Variants in FHDC1 observed in about 807,000 individuals in gnomAD.
The protein encoded by FHDC1 is FH2 domain-containing protein 1.
A neutral mutation model predicts 52.6 loss-of-function variants in FHDC1; 25 were observed. The ratio of observed to expected loss-of-function variants is 0.48; its 90% CI spans 0.35 to 0.66. The LOEUF is 0.66. Ranked by LOEUF, FHDC1 falls within the 30% of genes least tolerant of loss-of-function variation. The pLI is 0.01. For missense variants in FHDC1, 1,459 were observed against 1,452.8 expected, an observed-to-expected ratio of 1.00 and a Z score of -0.07; for synonymous variants, 616 against 581.5, an observed-to-expected ratio of 1.06 and a Z score of -0.85.
In FHDC1 at chr4:152,943,477, G is replaced by A. The variant is rs1382246610; in HGVS notation, c.420G>A (p.Gln140=). The A allele has an allele frequency of 6.2e-7, 1 of 1,614,122 alleles. No individual in the cohort carries two copies. Among genetic ancestry groups the A allele is most frequent in the South Asian group, 1.1e-5 (1 of 91,072 alleles). The change falls in exon 2 of 12, where the codon CAG becomes CAA. Residue 140 remains glutamine, a synonymous_variant. Transcript: ENST00000511601. ...DTKTIEELFG[Q]QEDTTKSSLP... is the part of the protein sequence containing the mutation. ...AGACCATTGAGGAGCTCTTTGGGCA[G>A]CAGGAAGACACCACCAAGTCTTCCC... is the stretch of plus-strand genomic sequence containing the variant.
chr4:152,948,852 A>G (rs1372194367), intron 2 of FHDC1, among the ~76,000 whole-genome samples: 1 of 152,126 alleles, frequency 6.6e-6, no homozygotes, highest in Non-Finnish European at 1.5e-5. Flanking sequence ...ATGTGGATGT[A>G]CTTAATGCCA....
At chr4:152,967,373 G>A (rs1740496336) in intron 9 of FHDC1, among the ~76,000 whole-genome samples, 1 of 152,120 alleles carries the variant, frequency 6.6e-6, no homozygotes, top group South Asian at 2.1e-4. Context: ...GTTGCAGTGA[G>A]CCAAGATCAG....
At chr4:152,943,864 C>G (rs2149937890) in intron 2 of FHDC1, among the ~76,000 whole-genome samples, 1 of 145,160 alleles carries the variant, frequency 6.9e-6, no homozygotes, top group Middle Eastern at 3.6e-3. Context: ...TTGGAGAATT[C>G]TGCTCAAGTC....
chr4:152,935,966 C>T (rs537787654), upstream of FHDC1, among the ~76,000 whole-genome samples: 291 of 152,242 alleles, frequency 1.9e-3, no homozygotes, highest in Non-Finnish European at 3.6e-3. Context: ...CTTGGCGCCT[C>T]CTCTCGCCCG....
chr4:152,960,958 T>A, intron 6 of FHDC1, 114 bp downstream of exon 6: 1 of 670,886 alleles, frequency 1.5e-6, no homozygotes, highest in Non-Finnish European at 2.4e-6. Context: ...GATATACCCT[T>A]AAAAGGGAAA....
chr4:152,922,655 C>T, the FHDC1 span, among the ~76,000 whole-genome samples: 1 of 152,098 alleles, frequency 6.6e-6, no homozygotes, highest in Non-Finnish European at 1.5e-5. Flanking sequence ...AAAGCTTATC[C>T]ACCATGATCA....
intron 2 of FHDC1, 138 bp from the exon 3 acceptor site, chr4:152,953,360 TG>T: frequency 1.5e-6 from 1 of 648,860 alleles, no homozygotes; most frequent in Non-Finnish European, 2.6e-6. Flanking sequence ...TAGGAATATC[TG>T]TTAATCACCA....
intron 4 of FHDC1, among the ~76,000 whole-genome samples, chr4:152,954,649 T>A (rs1280123114): frequency 2.0e-5 from 3 of 151,846 alleles, no homozygotes; most frequent in Non-Finnish European, 4.4e-5. Flanking sequence ...ATCATGTCAC[T>A]GCACTTCAGC....
intron 10 of FHDC1, among the ~76,000 whole-genome samples, chr4:152,970,059 C>T (rs1466881277): frequency 2.0e-5 from 3 of 152,126 alleles, no homozygotes; most frequent in African/African-American, 4.8e-5. Flanking sequence ...TAAAATTTTT[C>T]GAGGTAGGTC....
At chr4:152,961,568 T>C (rs1314037645) in intron 6 of FHDC1, among the ~76,000 whole-genome samples, 1 of 152,250 alleles carries the variant, frequency 6.6e-6, no homozygotes, top group African/African-American at 2.4e-5. Flanking sequence ...AGCTGGCTTC[T>C]TTTCAGCTCG....
chr4:152,952,673 C>T (rs956295684), intron 2 of FHDC1, among the ~76,000 whole-genome samples: 4 of 152,126 alleles, frequency 2.6e-5, no homozygotes, highest in Non-Finnish European at 2.9e-5. Flanking sequence ...ATGCAAAATA[C>T]TATGCAATTT....
At chr4:152,958,726 C>T (rs11737767) in intron 4 of FHDC1, among the ~76,000 whole-genome samples, 68,040 of 151,678 alleles carry the variant, frequency 0.45, 15,559 homozygotes, top group South Asian at 0.64. Context: ...TCAACTCTAG[C>T]TCAGAAGGGA....
At chr4:152,950,874 C>G (rs1443521315) in intron 2 of FHDC1, among the ~76,000 whole-genome samples, 1 of 152,068 alleles carries the variant, frequency 6.6e-6, no homozygotes, top group East Asian at 1.9e-4. Context: ...TCAGAGAGAA[C>G]CAGGCTAACC....
intron 3 of FHDC1, 96 bp from the exon 4 acceptor site, chr4:152,954,121 G>A: frequency 5.0e-6 from 5 of 1,009,960 alleles, no homozygotes; most frequent in Non-Finnish European, 7.5e-6. Flanking sequence ...GAGGTGGGTG[G>A]GAAGGAGGGT....
chr4:152,927,892 G>A, the FHDC1 span: 14 of 1,379,908 alleles, frequency 1.0e-5, no homozygotes, highest in Non-Finnish European at 1.4e-5. Context: ...AGTTCTCCCA[G>A]GTGAAGCTGT....
At position 152,975,132 on chromosome 4, in the gene FHDC1, C is replaced by T. The variant is rs1420829398; in HGVS notation, c.1841C>T (p.Pro614Leu). 2 of 1,612,890 alleles carry T rather than the reference C, an allele frequency of 1.2e-6. No individual in the cohort carries two copies. Among genetic ancestry groups the T allele is most frequent in the Non-Finnish European group, 8.5e-7 (1 of 1,180,012 alleles). Residue 614 changes from proline (P) to leucine (L), a missense_variant, in exon 12 of 12, where the codon CCA (proline) becomes CTA (leucine). By Grantham distance (98) the Pro-to-Leu change is moderately conservative. This residue lies in a region of FHDC1 where 939 missense variants were observed against 854.5 expected (regional missense o/e 1.10). Coordinates refer to ENST00000511601, the MANE Select transcript of FHDC1 (RefSeq NM_001371116.1). Reference protein sequence around the residue: ...ASGGQEEAPNPPSAQAHQLAA... With the variant: ...ASGGQEEAPNLPSAQAHQLAA... ...GGGGGCCAGGAGGAGGCCCCCAACC[C>T]ACCCTCAGCACAGGCGCACCAGCTT...
chr4:152,972,404 G>T lies in FHDC1; in HGVS notation c.1246G>T (p.Glu416Ter). The T allele has an allele frequency of 6.2e-7, 1 of 1,604,144 alleles. No individual in the cohort carries two copies. Among genetic ancestry groups the T allele is most frequent in the Middle Eastern group, 1.7e-4 (1 of 5,996 alleles). Residue 416 changes from glutamate to a stop codon, truncating the protein, a stop_gained, in exon 11 of 12, where the codon GAA becomes TAA. Coordinates refer to ENST00000511601, the MANE Select transcript of FHDC1 (RefSeq NM_001371116.1). LOFTEE classifies it high-confidence loss of function. ...QFAIEKLREL[E>*]CWKQELQDEA... is the part of the protein sequence containing the mutation. Reference sequence around the variant, plus strand: ...TGCCATAGAAAAGCTGAGGGAACTGGAATGCTGGAAACAAGAGCTCCAGGA... The same window carrying T: ...TGCCATAGAAAAGCTGAGGGAACTGTAATGCTGGAAACAAGAGCTCCAGGA...
chr4:152,947,774 TAAGTA>T (rs1739777415), intron 2 of FHDC1, among the ~76,000 whole-genome samples: 1 of 150,950 alleles, frequency 6.6e-6, no homozygotes, highest in Non-Finnish European at 1.5e-5. Context: ...ATCTAGGAAA[TAAGTA>T]AAGTGGCTAA....
At chr4:152,954,491 A>T (rs1740023892) in intron 4 of FHDC1, among the ~76,000 whole-genome samples, 172 bp downstream of exon 4, 1 of 152,174 alleles carries the variant, frequency 6.6e-6, no homozygotes, top group Non-Finnish European at 1.5e-5. Context: ...GTTTGAGACC[A>T]GTCTGGCCAA....
Sources: allele counts gnomAD v4.1 joint callset (sites outside exome capture counted in the v4.1 genomes callset), GRCh38; gene constraint gnomAD v4.1.1; regional missense constraint gnomAD v4.1.1; transcripts MANE v1.5; gene names NCBI Gene and HGNC (gene_info 2026-07-23, HGNC 2026-07-21).